The following VAT1L variants were observed in gnomAD, a reference collection of about 807,000 sequenced individuals.
VAT1L encodes putative NADPH-dependent quinone oxidoreductase VAT1L.
In VAT1L, 34 loss-of-function variants were observed where a neutral mutation model predicts 44.1. The ratio of observed to expected loss-of-function variants is 0.77; its 90% CI spans 0.59 to 1.03. The LOEUF is 1.03. Among genes scored for constraint, VAT1L ranks in the 50% least tolerant of loss-of-function variants. The probability of loss-of-function intolerance (pLI) is 0.00; values close to 1 mark genes in which losing one functional copy is unlikely to be tolerated. For missense variants in VAT1L, 615 were observed against 538.8 expected (o/e 1.14, Z -1.40); for synonymous variants, 253 against 202.2 (o/e 1.25, Z -2.13).
intron 2 of VAT1L, among the ~76,000 whole-genome samples, chr16:77,823,494 G>C (rs942391447): frequency 2.0e-5 from 3 of 152,106 alleles, no homozygotes; most frequent in African/African-American, 7.2e-5. Context: ...CAAACATGGC[G>C]GGTGCTCATT....
chr16:77,851,152 G>A (rs576242332), intron 3 of VAT1L, among the ~76,000 whole-genome samples: 4 of 152,326 alleles, frequency 2.6e-5, no homozygotes, highest in East Asian at 1.9e-4. Flanking sequence ...AGCTCTGCCC[G>A]GCAACAGATA....
At chr16:77,876,608 C>A in intron 5 of VAT1L, 135 bp downstream of exon 5, 1 of 712,280 alleles carries the variant, frequency 1.4e-6, no homozygotes, top group Non-Finnish European at 2.4e-6. Flanking sequence ...TTAATGTTTC[C>A]TATAATGTTT....
intron 7 of VAT1L, among the ~76,000 whole-genome samples, chr16:77,895,792 G>A (rs956077449): frequency 1.3e-4 from 20 of 152,344 alleles, no homozygotes; most frequent in Admixed American, 3.9e-4. Context: ...CCTGCTGCGC[G>A]CCAAGCACCG....
In VAT1L at chr16:77,890,507, T is replaced by G. The variant is rs190020211; in HGVS notation, c.1077+5705T>G. 3.9e-5 allele frequency among the ~76,000 whole-genome samples: 6 copies of G among 152,310 alleles called. No individual in the cohort carries two copies. The East Asian group carries it at 1.2e-3, about 29-fold the overall frequency. On this transcript the variant is annotated intron_variant, in intron 7 of 8. Transcript: ENST00000302536. Reference sequence around the variant, plus strand: ...CCACTCTGGCCCCAAGTATGATCACTGTAAAGATTCACACTTAGATACAGC... The same window carrying G: ...CCACTCTGGCCCCAAGTATGATCACGGTAAAGATTCACACTTAGATACAGC...
chr16:77,918,397 C>T (rs1416300654), intron 7 of VAT1L, among the ~76,000 whole-genome samples: 5 of 152,142 alleles, frequency 3.3e-5, no homozygotes, highest in African/African-American at 9.7e-5. Flanking sequence ...TTCCTTCTTC[C>T]CCCCAAAAGT....
At chr16:77,863,010 GTAT>G in intron 4 of VAT1L, 120 bp downstream of exon 4, 1 of 1,276,602 alleles carries the variant, frequency 7.8e-7, no homozygotes, top group Non-Finnish European at 1.1e-6. Flanking sequence ...TGGGGGCTTA[GTAT>G]TATTAGCTCT....
intron 3 of VAT1L, among the ~76,000 whole-genome samples, chr16:77,859,631 G>A (rs1362044260): frequency 6.6e-6 from 1 of 152,220 alleles, no homozygotes; most frequent in African/African-American, 2.4e-5. Flanking sequence ...CAGGTCAGGT[G>A]GAGGAGTGTT....
chr16:77,801,077 C>G (rs1305815953), intron 1 of VAT1L: 2 of 152,236 alleles, frequency 1.3e-5, no homozygotes, highest in Non-Finnish European at 2.9e-5. Flanking sequence ...GATCTGCCCA[C>G]CTTGACCTAC....
intron 3 of VAT1L, among the ~76,000 whole-genome samples, chr16:77,836,569 C>T (rs1369638747): frequency 6.6e-6 from 1 of 152,188 alleles, no homozygotes; most frequent in African/African-American, 2.4e-5. Flanking sequence ...ATGTCAGAGA[C>T]ATTTCTGAGA....
At chr16:77,941,217 G>A (rs1298184737) in intron 7 of VAT1L, among the ~76,000 whole-genome samples, 1 of 152,170 alleles carries the variant, frequency 6.6e-6, no homozygotes, top group Non-Finnish European at 1.5e-5. Context: ...ATAAGGCCCA[G>A]CTTCTTGTGG....
intron 7 of VAT1L, among the ~76,000 whole-genome samples, chr16:77,957,011 G>A (rs2018111169): frequency 1.3e-5 from 2 of 152,112 alleles, no homozygotes; most frequent in South Asian, 4.2e-4. Context: ...CCTAAGAAAT[G>A]ATCACCTCTG....
intron 3 of VAT1L, among the ~76,000 whole-genome samples, chr16:77,855,736 C>T (rs1203452480): frequency 6.6e-6 from 1 of 152,156 alleles, no homozygotes. Context: ...TAGAGATGCT[C>T]ATTATATAGC....
chr16:77,856,309 A>G (rs9925458), intron 3 of VAT1L, among the ~76,000 whole-genome samples: 69,383 of 151,918 alleles, frequency 0.46, 16,840 homozygotes, highest in East Asian at 0.73. Flanking sequence ...TTCCTAAGCC[A>G]TCCATTCTCT....
intron 7 of VAT1L, among the ~76,000 whole-genome samples, chr16:77,914,995 C>G (rs1049651405): frequency 2.0e-5 from 3 of 152,132 alleles, no homozygotes; most frequent in Non-Finnish European, 4.4e-5. Context: ...CCTAGTGGCA[C>G]ATGTCTGTAA....
At chr16:77,815,559 T>C (rs1202244088) in intron 1 of VAT1L, among the ~76,000 whole-genome samples, 1 of 152,240 alleles carries the variant, frequency 6.6e-6, no homozygotes, top group Non-Finnish European at 1.5e-5. Flanking sequence ...CTTACTCACC[T>C]TTATTCAGTC....
At chr16:77,971,707 G>T in intron 7 of VAT1L, 143 bp from the exon 8 acceptor site, 1 of 748,650 alleles carries the variant, frequency 1.3e-6, no homozygotes, top group Non-Finnish European at 2.2e-6. Flanking sequence ...GCACCCCAGC[G>T]TCCAACAGCA....
intron 7 of VAT1L, among the ~76,000 whole-genome samples, chr16:77,922,751 G>C (rs963485001): frequency 1.3e-5 from 2 of 152,142 alleles, no homozygotes; most frequent in Non-Finnish European, 2.9e-5. Context: ...CCATTTGATG[G>C]ATAAAAACGG....
chr16:77,922,240 T>C (rs2017619982), intron 7 of VAT1L, among the ~76,000 whole-genome samples: 1 of 152,164 alleles, frequency 6.6e-6, no homozygotes, highest in African/African-American at 2.4e-5. Context: ...TATGTCTGCG[T>C]GTACAAATGC....
chr16:77,837,241 G>T (rs2145256227), intron 3 of VAT1L, among the ~76,000 whole-genome samples: 1 of 152,320 alleles, frequency 6.6e-6, no homozygotes, highest in African/African-American at 2.4e-5. Flanking sequence ...CTGAGGAAGA[G>T]GGGAGGATCT....
Sources: allele counts gnomAD v4.1 joint callset (sites outside exome capture counted in the v4.1 genomes callset), GRCh38; gene constraint gnomAD v4.1.1; transcripts MANE v1.5; gene names NCBI Gene and HGNC (gene_info 2026-07-23, HGNC 2026-07-21).